Variants in TTF2 observed in about 807,000 individuals in gnomAD.
The protein encoded by TTF2 is transcription termination factor 2.
Under a neutral mutation model 142.4 loss-of-function variants are expected in TTF2, and 108 were observed. That is an observed-to-expected ratio of 0.76 (90% CI 0.65 to 0.89). The LOEUF (loss-of-function observed/expected upper bound fraction) is 0.89. Among genes scored for constraint, TTF2 ranks in the 40% least tolerant of loss-of-function variants. The pLI is 0.00. For synonymous variants in TTF2, 483 were observed against 506.2 expected (o/e 0.95, Z 0.61); for missense variants, 1,327 against 1,379.8 (o/e 0.96, Z 0.61).
rs968819468 is a variant in TTF2 at position 117,087,094 on chromosome 1, C to T, written c.2160+572C>T. ...TATACTCTGAAAATACAGTATTATC[C>T]CAAGAACTCATTTTTCTATATGTTA... On this transcript the variant is annotated intron_variant, in intron 12 of 22. Coordinates refer to ENST00000369466, the MANE Select transcript of TTF2 (RefSeq NM_003594.4). This position sits in a 1 kb window ranked among gnomAD's most constrained non-coding sequence, Gnocchi z 4.8. Among the ~76,000 whole-genome samples the T allele has an allele frequency of 8.6e-5, 13 of 152,000 alleles. No individual in the cohort carries two copies. Among genetic ancestry groups the T allele is most frequent in the African/African-American group, 2.9e-4 (12 of 41,364 alleles).
chr1:117,089,531 A>G (rs930458206), intron 13 of TTF2, among the ~76,000 whole-genome samples: 2 of 151,858 alleles, frequency 1.3e-5, no homozygotes, highest in African/African-American at 4.8e-5. Context: ...TCTACAAAAA[A>G]TTAAAAAATT....
chr1:117,096,112 A>G, intron 19 of TTF2, 37 bp from the exon 20 acceptor site: 1 of 1,611,342 alleles, frequency 6.2e-7, no homozygotes, highest in Non-Finnish European at 8.5e-7. Context: ...TGTTTAATCT[A>G]TGTTAGGGTA....
chr1:117,089,219 TTATA>T (rs1224252888), intron 13 of TTF2, among the ~76,000 whole-genome samples: 1 of 144,266 alleles, frequency 6.9e-6, no homozygotes, highest in Non-Finnish European at 1.5e-5. Flanking sequence ...ATATAGGACT[TTATA>T]TATGCAAAAT....
In TTF2 at chr1:117,096,208, A is replaced by G. The variant is rs2101201944; in HGVS notation, c.3095A>G (p.His1032Arg). The change falls in exon 20 of 23, where the codon CAT (histidine) becomes CGT (arginine). Residue 1032 changes from histidine (H) to arginine (R), a missense_variant. Physicochemically the swap from His to Arg is conservative, Grantham distance 29. Transcript: ENST00000369466. ...LKVVALHLKK[H>R]GLTYATIDGS... ...GTTGTAGCATTGCACCTGAAGAAGC[A>G]TGGACTGACTTATGCCACCATCGAT... The G allele has an allele frequency of 6.2e-7, 1 of 1,614,184 alleles. No homozygotes were observed.
chr1:117,098,650 T>C, intron 21 of TTF2, 183 bp from the exon 22 acceptor site: 1 of 527,006 alleles, frequency 1.9e-6, no homozygotes, highest in Non-Finnish European at 3.4e-6. Flanking sequence ...GCCACATAGT[T>C]CTCTGTCACA....
chr1:117,090,732 G>C lies in TTF2; in HGVS notation c.2588+109G>C. ...ACAAACTTTATGGCATTATTGATTA[G>C]TTGGATGTCTGTATTCCCTTTTTTT... On this transcript the variant is annotated intron_variant, in intron 15 of 22. Coordinates refer to ENST00000369466, the MANE Select transcript of TTF2 (RefSeq NM_003594.4). This position sits in a 1 kb window ranked among gnomAD's most constrained non-coding sequence, Gnocchi z 4.8. 1.1e-6 allele frequency: 1 copy of C among 873,718 alleles called. No homozygotes were observed. Among genetic ancestry groups the C allele is most frequent in the South Asian group, 1.6e-5 (1 of 62,048 alleles). The allele number at this position is 873,718 out of a possible 1,614,324, so 54.1% of individuals were successfully genotyped here. A position where few individuals can be genotyped will look rare whatever the true frequency, so the allele number is the denominator to read the frequency against.
chr1:117,077,878 C>G, intron 7 of TTF2, 38 bp from the exon 8 acceptor site: 1 of 1,611,428 alleles, frequency 6.2e-7, no homozygotes, highest in Non-Finnish European at 8.5e-7. Flanking sequence ...AGAAAACATA[C>G]TTGTGACATC....
At chr1:117,098,682 CT>C (rs767432136) in intron 21 of TTF2, 150 bp from the exon 22 acceptor site, 32 of 638,368 alleles carry the variant, frequency 5.0e-5, no homozygotes, top group Non-Finnish European at 7.5e-5. Flanking sequence ...TTTTGTTTTG[CT>C]TTGCTTTCTT....
chr1:117,090,517 T>A lies in TTF2; in HGVS notation c.2497-15T>A. 6.2e-7 allele frequency: 1 copy of A among 1,606,130 alleles called. No individual in the cohort carries two copies. The highest frequency in any genetic ancestry group is 8.5e-7 in the Non-Finnish European group (1 of 1,177,320). On this transcript the variant is annotated splice_polypyrimidine_tract_variant and intron_variant, in intron 14 of 22. Coordinates refer to ENST00000369466, the MANE Select transcript of TTF2 (RefSeq NM_003594.4). This position sits in a 1 kb window ranked among gnomAD's most constrained non-coding sequence, Gnocchi z 4.8. ...TTGTATAGCTTCATGCCAGCTTTTT[T>A]TTTTATTCTTCCAGGTGATACTGCC...
rs370715347 is a variant in TTF2, at chr1:117,100,979, CCT to C, written c.3345-400_3345-399del. Among the ~76,000 whole-genome samples the C allele has an allele frequency of 3.6e-4, 55 of 152,174 alleles. 1 individual carries two copies. The South Asian group carries it at 5.6e-3, about 16-fold the overall frequency. ...AGTGCCATTTACTTGGTTTGAAAAC[CCT>C]GTTTTTATTGTGAATTCACTAAGAA... On this transcript the variant is annotated intron_variant, in intron 22 of 22. Coordinates refer to ENST00000369466, the MANE Select transcript of TTF2 (RefSeq NM_003594.4). The surrounding 1 kb of genome is among the most constrained non-coding windows in gnomAD (Gnocchi z 4.6).
Position 117,076,522 on chromosome 1 carries a change from T to G in TTF2, c.1391-119T>G, listed in dbSNP as rs1008570790. The stretch of plus-strand genomic sequence containing the variant: ...AAGCAACTGTTAAAATGCTACCTTC[T>G]CTAGGAATCCTTCATCGGAATGGTG... On this transcript the variant is annotated intron_variant, in intron 6 of 22. Coordinates refer to ENST00000369466, the MANE Select transcript of TTF2 (RefSeq NM_003594.4). The surrounding 1 kb of genome is among the most constrained non-coding windows in gnomAD (Gnocchi z 4.6). 8.3e-7 allele frequency: 1 copy of G among 1,198,342 alleles called. No individual in the cohort carries two copies. Among genetic ancestry groups the G allele is most frequent in the Non-Finnish European group, 1.2e-6 (1 of 862,846 alleles). 74.2% of individuals were successfully genotyped at this position (1,198,342 alleles called of 1,614,324 possible).
Position 117,087,605 on chromosome 1 carries a change from T to G in TTF2, c.2160+1083T>G, listed in dbSNP as rs1249905704. On this transcript the variant is annotated intron_variant, in intron 12 of 22. Coordinates refer to ENST00000369466, the MANE Select transcript of TTF2 (RefSeq NM_003594.4). The surrounding 1 kb of genome is among the most constrained non-coding windows in gnomAD (Gnocchi z 4.8). The stretch of plus-strand genomic sequence containing the variant: ...ACCATGCCTGGCCATATTAGGCTCT[T>G]TATGATCTTGCCCTACCTGTATGTC... Among the ~76,000 whole-genome samples the G allele has an allele frequency of 6.6e-6, 1 of 152,088 alleles. No individual in the cohort carries two copies. The highest frequency in any genetic ancestry group is 2.4e-5 in the African/African-American group (1 of 41,434).
Position 117,102,069 on chromosome 1 carries a change from G to A in TTF2, c.*545G>A, listed in dbSNP as rs1649627871. On this transcript the variant is annotated 3_prime_UTR_variant, in exon 23 of 23. Transcript: ENST00000369466. ...AGGCAGGAGGATCCCTTGAGTCCAG[G>A]AGGTTGAGGCTGCAGTGAGCTGTGA... 2 of 152,616 alleles carry A rather than the reference G, an allele frequency of 1.3e-5. No individual in the cohort carries two copies. The highest frequency in any genetic ancestry group is 4.8e-5 in the African/African-American group (2 of 41,440). 9.5% of individuals were successfully genotyped at this position (152,616 alleles called of 1,614,324 possible).
At chr1:117,081,372 C>T (rs116749272) in intron 9 of TTF2, among the ~76,000 whole-genome samples, 1 of 152,268 alleles carries the variant, frequency 6.6e-6, no homozygotes, top group African/African-American at 2.4e-5. Context: ...AAGAAATGTT[C>T]ATTTATGTCC....
At chr1:117,071,197 C>T (rs1656545502) in intron 3 of TTF2, among the ~76,000 whole-genome samples, 2 of 151,884 alleles carry the variant, frequency 1.3e-5, no homozygotes, top group African/African-American at 4.8e-5. Context: ...ATGACATATG[C>T]ACAGTTTCAC....
chr1:117,089,048 T>A, intron 13 of TTF2, 66 bp downstream of exon 13: 1 of 1,504,130 alleles, frequency 6.6e-7, no homozygotes, highest in South Asian at 1.3e-5. Flanking sequence ...TTATTTCATG[T>A]CTCATAATAA....
intron 10 of TTF2, among the ~76,000 whole-genome samples, chr1:117,082,744 A>G (rs76105606): frequency 0.014 from 2,199 of 152,216 alleles, 65 homozygotes; most frequent in African/African-American, 0.05. Context: ...TGTAGTCCCA[A>G]TTGAGGGAGG....
At position 117,087,998 on chromosome 1, in the gene TTF2, A is replaced by G. The variant is rs1341163463; in HGVS notation, c.2161-803A>G. On this transcript the variant is annotated intron_variant, in intron 12 of 22. Transcript: ENST00000369466. This position sits in a 1 kb window ranked among gnomAD's most constrained non-coding sequence, Gnocchi z 4.8. ...ATTGAACTAGCCAGTGGGACTTACT[A>G]TATCTATATCGTATTGTAATTATCT... Among the ~76,000 whole-genome samples, 1 of 152,112 alleles carries G rather than the reference A, an allele frequency of 6.6e-6. No homozygotes were observed. Among genetic ancestry groups the G allele is most frequent in the Non-Finnish European group, 1.5e-5 (1 of 68,024 alleles).
Position 117,092,888 on chromosome 1 carries a change from G to A in TTF2, c.2963G>A (p.Arg988Gln), listed in dbSNP as rs777885936. 8.7e-6 allele frequency: 14 copies of A among 1,614,040 alleles called. No homozygotes were observed. The highest frequency in any genetic ancestry group is 4.5e-5 in the East Asian group (2 of 44,892). Residue 988 changes from arginine to glutamine, a missense_variant, in exon 18 of 23, where the codon CGA becomes CAA. By Grantham distance (43) the Arg-to-Gln change is conservative. Transcript: ENST00000369466. The surrounding 1 kb of genome is among the most constrained non-coding windows in gnomAD (Gnocchi z 4.4). ...AAGATGGAGCTTTTTGAAGGCATGC[G>A]AGAGAGCACCAAGGTACTTTTTGTC... ...FFKMELFEGM[R>Q]ESTKISSLLA...
Sources: allele counts gnomAD v4.1 joint callset (sites outside exome capture counted in the v4.1 genomes callset), GRCh38; gene constraint gnomAD v4.1.1; non-coding constraint Gnocchi (gnomAD v3.1); transcripts MANE v1.5; gene names NCBI Gene and HGNC (gene_info 2026-07-23, HGNC 2026-07-21).